Variants in RAB10 observed in about 807,000 individuals in gnomAD.
RAB10 encodes the protein ras-related protein Rab-10.
RAB10 carries 5 observed loss-of-function variants against 25.7 expected under a neutral mutation model. The ratio of observed to expected loss-of-function variants is 0.19; its 90% CI spans 0.10 to 0.41. The LOEUF (loss-of-function observed/expected upper bound fraction) is 0.41. Among genes scored for constraint, RAB10 ranks in the 10% least tolerant of loss-of-function variants. The pLI is 1.00. For synonymous variants in RAB10, 89 were observed against 86.4 expected, an observed-to-expected ratio of 1.03 and a Z score of -0.16; for missense variants, 103 against 245.8, an observed-to-expected ratio of 0.42 and a Z score of 3.89.
intron 1 of RAB10, among the ~76,000 whole-genome samples, chr2:26,070,143 C>G (rs887460106): frequency 2.0e-5 from 3 of 152,258 alleles, no homozygotes; most frequent in African/African-American, 7.2e-5. Flanking sequence ...GATCCTTGGA[C>G]TTGAAATTAT....
In RAB10 at chr2:26,084,065, T is replaced by G. The variant is rs558130350; in HGVS notation, c.128-14597T>G. On this transcript the variant is annotated intron_variant, in intron 1 of 5. Coordinates refer to ENST00000264710, the MANE Select transcript of RAB10 (RefSeq NM_016131.5). ...CTCTGCTCAAAATGCTCCCTGTGTT[T>G]CTTGAACATGCCAAACATATTTGCA... 2.4e-4 allele frequency among the ~76,000 whole-genome samples: 36 copies of G among 152,318 alleles called. 2 individuals carry two copies. Among genetic ancestry groups the G allele is most frequent in the Admixed American group, 2.4e-3 (36 of 15,300 alleles).
intron 1 of RAB10, among the ~76,000 whole-genome samples, chr2:26,095,071 GTTAATAGCCAAGGA>G (rs1435933758): frequency 2.6e-5 from 4 of 152,178 alleles, no homozygotes; most frequent in African/African-American, 7.2e-5. Flanking sequence ...TACGTTTGCT[GTTAATAGCCAAGGA>G]TCATTTTTTA....
chr2:26,133,386 G>A (rs1244061871), intron 5 of RAB10, among the ~76,000 whole-genome samples: 1 of 152,132 alleles, frequency 6.6e-6, no homozygotes, highest in Non-Finnish European at 1.5e-5. Context: ...CCATGTATAT[G>A]AAGGTTAGGA....
At chr2:26,054,204 C>T (rs553494935) in intron 1 of RAB10, among the ~76,000 whole-genome samples, 11 of 151,740 alleles carry the variant, frequency 7.2e-5, no homozygotes, top group Middle Eastern at 3.4e-3. Context: ...CCCACCGCCA[C>T]GCCCACCTAA....
intron 1 of RAB10, among the ~76,000 whole-genome samples, chr2:26,079,219 G>C (rs1162453654): frequency 1.3e-5 from 2 of 151,460 alleles, no homozygotes; most frequent in African/African-American, 2.4e-5. Flanking sequence ...ATACTGTAAG[G>C]CTAAAGATAA....
intron 1 of RAB10, among the ~76,000 whole-genome samples, chr2:26,086,019 G>C (rs1262478695): frequency 1.4e-5 from 2 of 138,734 alleles, no homozygotes; most frequent in Non-Finnish European, 1.5e-5. Flanking sequence ...AAAAAAAAAG[G>C]GGGGGGGCAA....
intron 1 of RAB10, among the ~76,000 whole-genome samples, chr2:26,049,248 T>C (rs925480032): frequency 1.3e-5 from 2 of 150,914 alleles, no homozygotes; most frequent in Non-Finnish European, 3.0e-5. Flanking sequence ...ATTTATTTAA[T>C]ATGAAGGCCT....
At chr2:26,094,725 ATTTT>A (rs937234777) in intron 1 of RAB10, among the ~76,000 whole-genome samples, 2 of 151,844 alleles carry the variant, frequency 1.3e-5, no homozygotes, top group African/African-American at 4.8e-5. Flanking sequence ...TGCCTGGCTA[ATTTT>A]TGTATTTTTA....
chr2:26,094,213 C>T (rs1361639383), intron 1 of RAB10, among the ~76,000 whole-genome samples: 1 of 129,286 alleles, frequency 7.7e-6, no homozygotes, highest in East Asian at 2.4e-4. Context: ...AAAAAAAAGC[C>T]CCCTTATTTC....
upstream of RAB10, among the ~76,000 whole-genome samples, chr2:26,033,477 A>G (rs959114766): frequency 1.5e-4 from 23 of 152,232 alleles, no homozygotes; most frequent in Non-Finnish European, 3.2e-4. Flanking sequence ...TTGCTCTTGA[A>G]GTCAATCCGG....
chr2:26,107,232 C>T (rs953089534), intron 2 of RAB10, among the ~76,000 whole-genome samples: 19 of 130,888 alleles, frequency 1.5e-4, no homozygotes, highest in Non-Finnish European at 1.6e-4. Flanking sequence ...GGCAACAGAG[C>T]GACACCCTGT....
intron 3 of RAB10, among the ~76,000 whole-genome samples, chr2:26,124,279 G>A (rs1404784344): frequency 6.7e-6 from 1 of 150,052 alleles, no homozygotes; most frequent in Non-Finnish European, 1.5e-5. Context: ...TTTTAAATCA[G>A]CATATTTTAT....
upstream of RAB10, among the ~76,000 whole-genome samples, chr2:26,033,775 G>A (rs1432590511): frequency 6.6e-6 from 1 of 152,146 alleles, no homozygotes; most frequent in Non-Finnish European, 1.5e-5. Flanking sequence ...CCGGGGAGCG[G>A]GGAGCGGGAG....
At chr2:26,096,399 C>T (rs964564231) in intron 1 of RAB10, among the ~76,000 whole-genome samples, 9 of 138,896 alleles carry the variant, frequency 6.5e-5, no homozygotes, top group East Asian at 2.2e-4. Context: ...GGTGGGTGGG[C>T]GGATGGATGG....
chr2:26,135,246 T>C lies in RAB10; in HGVS notation c.*225T>C. 4.3e-6 allele frequency: 2 copies of C among 460,418 alleles called. No homozygotes were observed. The highest frequency in any genetic ancestry group is 7.7e-6 in the Non-Finnish European group (2 of 258,858). 28.5% of individuals were successfully genotyped at this position (460,418 alleles called of 1,614,324 possible). A position where few individuals can be genotyped will look rare whatever the true frequency, so the allele number is the denominator to read the frequency against. On this transcript the variant is annotated 3_prime_UTR_variant, in exon 6 of 6. Coordinates refer to ENST00000264710, the MANE Select transcript of RAB10 (RefSeq NM_016131.5). Reference sequence around the variant, plus strand: ...TAGAAAAATCATGTCTGTGAGTTCATTTTTAAATGTACTTGCTCAGCTCAA... The same window carrying C: ...TAGAAAAATCATGTCTGTGAGTTCACTTTTAAATGTACTTGCTCAGCTCAA...
chr2:26,083,490 G>A (rs1302841904), intron 1 of RAB10, among the ~76,000 whole-genome samples: 1 of 115,736 alleles, frequency 8.6e-6, no homozygotes, highest in Non-Finnish European at 1.6e-5. Flanking sequence ...CTTTCCTTTT[G>A]TCTCACTCTG....
At chr2:26,059,313 G>A (rs1443322542) in intron 1 of RAB10, among the ~76,000 whole-genome samples, 1 of 152,174 alleles carries the variant, frequency 6.6e-6, no homozygotes, top group Non-Finnish European at 1.5e-5. Context: ...TCCAGTATGT[G>A]CTAGATATTG....
At position 26,122,553 on chromosome 2, in the gene RAB10, G is replaced by T. The variant is rs546460257; in HGVS notation, c.328-4591G>T. On this transcript the variant is annotated intron_variant, in intron 3 of 5. Transcript: ENST00000264710. ...TGAGGCAGGAGAATGGTGTGAACCC[G>T]GGAGGCAGAGCTTGCAGTGAGCTGA... is the stretch of plus-strand genomic sequence containing the variant. Among the ~76,000 whole-genome samples, 7 of 151,986 alleles carry T rather than the reference G, an allele frequency of 4.6e-5. No individual in the cohort carries two copies. In the East Asian group the frequency reaches 1.4e-3, roughly 29 times the overall value.
chr2:26,085,733 A>C (rs1422250854), intron 1 of RAB10, among the ~76,000 whole-genome samples: 2 of 151,990 alleles, frequency 1.3e-5, no homozygotes, highest in African/African-American at 4.8e-5. Flanking sequence ...ACAGTGGCTC[A>C]CACCTGTAAC....
Sources: gnomAD v4.1 joint callset for allele counts (sites outside exome capture counted in the v4.1 genomes callset) on GRCh38, gnomAD v4.1.1 for gene constraint, MANE v1.5 for transcripts, NCBI Gene and HGNC (gene_info 2026-07-23, HGNC 2026-07-21) for gene names.